The following REC114 variants were observed in gnomAD, a reference collection of about 807,000 sequenced individuals.
The protein encoded by REC114 is meiotic recombination protein REC114.
In REC114, 27 loss-of-function variants were observed where a neutral mutation model predicts 31.3. The observed-to-expected ratio is 0.86, with a 90% CI of 0.64 to 1.19. The LOEUF is 1.19. Ranked by LOEUF, REC114 falls within the 50% of genes most tolerant of loss-of-function variation. The probability of loss-of-function intolerance (pLI) is 0.00; values close to 1 mark genes in which losing one functional copy is unlikely to be tolerated. For synonymous variants in REC114, 134 were observed against 127.7 expected (o/e 1.05, Z -0.33); for missense variants, 344 against 326.9 (o/e 1.05, Z -0.40).
At chr15:73,495,929 G>A (rs549086115) in intron 2 of REC114, among the ~76,000 whole-genome samples, 43 of 152,248 alleles carry the variant, frequency 2.8e-4, no homozygotes, top group African/African-American at 9.9e-4. Context: ...TAATCCTTCA[G>A]TGGACCTTAT....
At chr15:73,464,329 A>G (rs1893027324) in intron 1 of REC114, among the ~76,000 whole-genome samples, 1 of 151,986 alleles carries the variant, frequency 6.6e-6, no homozygotes, top group Non-Finnish European at 1.5e-5. Flanking sequence ...ATCATTATTT[A>G]ATAAGAAATA....
chr15:73,557,426 AAAAAAAAG>A (rs1894486031), intron 5 of REC114, among the ~76,000 whole-genome samples: 1 of 151,438 alleles, frequency 6.6e-6, no homozygotes, highest in Non-Finnish European at 1.5e-5. Context: ...AAAAAAAAAA[AAAAAAAAG>A]AAAAAAAGGG....
intron 2 of REC114, among the ~76,000 whole-genome samples, chr15:73,486,785 C>A (rs1193461430): frequency 6.6e-6 from 1 of 152,078 alleles, no homozygotes; most frequent in East Asian, 1.9e-4. Context: ...GCCTGTAATC[C>A]CAGCACTTTG....
chr15:73,498,276 C>A (rs1893556075), intron 2 of REC114, among the ~76,000 whole-genome samples: 1 of 151,974 alleles, frequency 6.6e-6, no homozygotes, highest in Admixed American at 6.6e-5. Flanking sequence ...TACATACATC[C>A]ACTGCCCGAG....
intron 3 of REC114, among the ~76,000 whole-genome samples, chr15:73,544,120 A>C (rs932951424): frequency 6.6e-6 from 1 of 151,956 alleles, no homozygotes; most frequent in Non-Finnish European, 1.5e-5. Flanking sequence ...CAATGGTTCG[A>C]TATTCTTTAT....
At chr15:73,555,378 A>ACGGAGG (rs1365422847) in intron 4 of REC114, among the ~76,000 whole-genome samples, 1 of 152,170 alleles carries the variant, frequency 6.6e-6, no homozygotes, top group African/African-American at 2.4e-5. Flanking sequence ...CTAGGAAGGA[A>ACGGAGG]CGGAGGTAGG....
At position 73,559,835 on chromosome 15, in the gene REC114, G is replaced by A; in HGVS notation, c.720G>A (p.Leu240=). The A allele has an allele frequency of 6.2e-7, 1 of 1,612,738 alleles. No homozygotes were observed. The highest frequency in any genetic ancestry group is 8.5e-7 in the Non-Finnish European group (1 of 1,179,432). The change falls in exon 6 of 6, where the codon TTG becomes TTA. Residue 240 remains leucine (L), a synonymous_variant. Transcript: ENST00000331090. ...GAEELGPFLR[L]CLMDQNFPAF... is the part of the protein sequence containing the mutation. ...AAGAGTTAGGCCCCTTCCTACGTTT[G>A]TGCCTTATGGATCAGAATTTCCCAG...
chr15:73,522,860 T>C (rs1410606671), intron 2 of REC114, among the ~76,000 whole-genome samples: 1 of 152,224 alleles, frequency 6.6e-6, no homozygotes, highest in Non-Finnish European at 1.5e-5. Context: ...CCAGACTGTT[T>C]TCCAAAGTGG....
chr15:73,521,451 A>G (rs4318169), intron 2 of REC114, among the ~76,000 whole-genome samples: 1 of 152,218 alleles, frequency 6.6e-6, no homozygotes, highest in Non-Finnish European at 1.5e-5. Flanking sequence ...ATTGAAAAAG[A>G]ACAGTAAATC....
chr15:73,449,102 A>G (rs1322019194), intron 1 of REC114, among the ~76,000 whole-genome samples: 1 of 152,288 alleles, frequency 6.6e-6, no homozygotes, highest in Non-Finnish European at 1.5e-5. Context: ...CCAAAAGATC[A>G]CAACGCCTCG....
intron 1 of REC114, among the ~76,000 whole-genome samples, chr15:73,447,910 A>T (rs1194315773): frequency 6.6e-6 from 1 of 152,090 alleles, no homozygotes; most frequent in Non-Finnish European, 1.5e-5. Context: ...TCCCTCCCCC[A>T]GCCAAGGGAA....
At chr15:73,469,825 C>T (rs562864545) in intron 1 of REC114, among the ~76,000 whole-genome samples, 1 of 152,052 alleles carries the variant, frequency 6.6e-6, no homozygotes, top group African/African-American at 2.4e-5. Flanking sequence ...GCTGGGACTA[C>T]AGGTGCCCGC....
At chr15:73,475,194 G>C (rs1048788846) in intron 2 of REC114, among the ~76,000 whole-genome samples, 1 of 152,168 alleles carries the variant, frequency 6.6e-6, no homozygotes, top group Non-Finnish European at 1.5e-5. Context: ...TTTTGCCCCA[G>C]TGGTGACTAT....
At chr15:73,528,403 A>G (rs1313746994) in intron 2 of REC114, among the ~76,000 whole-genome samples, 1 of 152,198 alleles carries the variant, frequency 6.6e-6, no homozygotes, top group Non-Finnish European at 1.5e-5. Flanking sequence ...GTAATCTTAT[A>G]AAATCTGAGA....
At chr15:73,464,606 T>C (rs1893032242) in intron 1 of REC114, among the ~76,000 whole-genome samples, 1 of 152,048 alleles carries the variant, frequency 6.6e-6, no homozygotes, top group Non-Finnish European at 1.5e-5. Context: ...TGTAGAGAAG[T>C]AGGAAGGATT....
intron 2 of REC114, among the ~76,000 whole-genome samples, chr15:73,487,143 T>G (rs1893382179): frequency 6.6e-6 from 1 of 152,204 alleles, no homozygotes; most frequent in Non-Finnish European, 1.5e-5. Context: ...ACTATCATAT[T>G]GGCAATTAAG....
chr15:73,443,173 G>A lies in REC114; in HGVS notation c.-13G>A. Reference sequence around the variant, plus strand: ...GCAGGTCCCCGCCGGCAGTGCGTGTGGTGAGGCAGGACATGGCGGAGGCAG... The same window carrying A: ...GCAGGTCCCCGCCGGCAGTGCGTGTAGTGAGGCAGGACATGGCGGAGGCAG... On this transcript the variant is annotated 5_prime_UTR_variant, in exon 1 of 6. Transcript: ENST00000331090. 6.4e-7 allele frequency: 1 copy of A among 1,552,498 alleles called. No individual in the cohort carries two copies. Among genetic ancestry groups the A allele is most frequent in the Non-Finnish European group, 8.7e-7 (1 of 1,150,854 alleles).
At chr15:73,443,589 T>C (rs547070204) in intron 1 of REC114, among the ~76,000 whole-genome samples, 12 of 152,348 alleles carry the variant, frequency 7.9e-5, no homozygotes, top group African/African-American at 2.6e-4. Context: ...CATTCATATA[T>C]TCAATGTGTA....
intron 1 of REC114, among the ~76,000 whole-genome samples, chr15:73,447,810 A>G (rs1216183496): frequency 2.0e-5 from 3 of 152,144 alleles, no homozygotes; most frequent in Non-Finnish European, 4.4e-5. Context: ...TCTCATTGGG[A>G]CTGGTTGGAC....
Sources: allele counts gnomAD v4.1 joint callset (sites outside exome capture counted in the v4.1 genomes callset), GRCh38; gene constraint gnomAD v4.1.1; transcripts MANE v1.5; gene names NCBI Gene and HGNC (gene_info 2026-07-23, HGNC 2026-07-21).